PKHD1L1: variants seen among roughly 807,000 people sequenced by gnomAD.
PKHD1L1 encodes fibrocystin-L.
PKHD1L1 carries 434 observed loss-of-function variants against 462.9 expected under a neutral mutation model. The ratio of observed to expected loss-of-function variants is 0.94; its 90% CI spans 0.87 to 1.02. PKHD1L1 has a LOEUF of 1.02. Among genes scored for constraint, PKHD1L1 ranks in the 50% least tolerant of loss-of-function variants. PKHD1L1 has a pLI of 0.00. For missense variants in PKHD1L1, 5,202 were observed against 5,096.1 expected, an observed-to-expected ratio of 1.02 and a Z score of -0.63; for synonymous variants, 1,781 against 1,750.0, an observed-to-expected ratio of 1.02 and a Z score of -0.44.
chr8:109,409,993 A>G lies in PKHD1L1; in HGVS notation c.2085+15A>G. 1 of 1,367,794 alleles carries G rather than the reference A, an allele frequency of 7.3e-7. No homozygotes were observed. The highest frequency in any genetic ancestry group is 1.0e-6 in the Non-Finnish European group (1 of 986,768). The allele number at this position is 1,367,794 out of a possible 1,614,324, so 84.7% of individuals were successfully genotyped here. On this transcript the variant is annotated intron_variant, in intron 19 of 77. Transcript: ENST00000378402. Reference sequence around the variant, plus strand: ...ATTTTAATCTGGTATGAAATATTTAATGAACTGTGAAACTGACCTAATAAG... The same window carrying G: ...ATTTTAATCTGGTATGAAATATTTAGTGAACTGTGAAACTGACCTAATAAG...
At position 109,507,907 on chromosome 8, in the gene PKHD1L1, C is replaced by G; in HGVS notation, c.11227+12C>G. The G allele has an allele frequency of 6.2e-7, 1 of 1,612,050 alleles. No homozygotes were observed. Among genetic ancestry groups the G allele is most frequent in the Non-Finnish European group, 8.5e-7 (1 of 1,178,488 alleles). On this transcript the variant is annotated intron_variant, in intron 69 of 77. Transcript: ENST00000378402. ...AGCACCTCATAAAGGTTTGTTGGATCTTGCTTAATCTGTCATTAGGCCTTA... is the reference window on the plus strand; with the variant it reads ...AGCACCTCATAAAGGTTTGTTGGATGTTGCTTAATCTGTCATTAGGCCTTA...
intron 48 of PKHD1L1, among the ~76,000 whole-genome samples, 155 bp from the exon 49 acceptor site, chr8:109,464,061 G>T (rs149998406): frequency 1.0e-3 from 158 of 152,016 alleles, no homozygotes; most frequent in African/African-American, 3.7e-3. Flanking sequence ...ATGGTGGGTT[G>T]GGGGTTCAAT....
Position 109,429,333 on chromosome 8 carries a change from A to T in PKHD1L1, c.3001-7A>T. The T allele has an allele frequency of 6.7e-7, 1 of 1,492,516 alleles. No individual in the cohort carries two copies. The highest frequency in any genetic ancestry group is 1.2e-5 in the South Asian group (1 of 81,796). The allele number at this position is 1,492,516 out of a possible 1,614,324, so 92.5% of individuals were successfully genotyped here. On this transcript the variant is annotated splice_polypyrimidine_tract_variant and splice_region_variant and intron_variant, in intron 25 of 77. Coordinates refer to ENST00000378402, the MANE Select transcript of PKHD1L1 (RefSeq NM_177531.6). ...CTTTCTAGTAAAATAATTGTGTGTA[A>T]AAATAGATTAATGATTCCAACATTA...
chr8:109,509,021 T>C (rs1485890990), intron 70 of PKHD1L1, among the ~76,000 whole-genome samples: 2 of 152,164 alleles, frequency 1.3e-5, no homozygotes, highest in African/African-American at 2.4e-5. Flanking sequence ...GGATCTTTCA[T>C]GTGCTGAAAG....
At chr8:109,407,790 A>G (rs926828336) in intron 17 of PKHD1L1, among the ~76,000 whole-genome samples, 2 of 152,126 alleles carry the variant, frequency 1.3e-5, no homozygotes, top group Non-Finnish European at 2.9e-5. Flanking sequence ...ATCTTACAAT[A>G]CTTCCTTTTA....
chr8:109,409,885 A>T lies in PKHD1L1; in HGVS notation c.1992A>T (p.Glu664Asp), dbSNP rs765056045. ...TTTAGTTTCAGGGAGCAGTGGAAGA[A>T]ATGGTTAGCACTAAGTGTCCACCAC... is the stretch of plus-strand genomic sequence containing the variant. The part of the protein sequence containing the change: ...SEAEFQGAVE[E>D]MVSTKCPPQI... The change falls in exon 19 of 78, where the codon GAA becomes GAT. Residue 664 changes from glutamate to aspartate, a missense_variant. Physicochemically the swap from Glu to Asp is conservative, Grantham distance 45. This residue lies in a region of PKHD1L1 where 4,497 missense variants were observed against 4,336.8 expected (regional missense o/e 1.04). Transcript: ENST00000378402. The T allele has an allele frequency of 3.8e-5, 61 of 1,588,776 alleles. No homozygotes were observed. In the Middle Eastern group the frequency reaches 2.2e-3, roughly 56 times the overall value.
chr8:109,497,323 G>A, intron 65 of PKHD1L1, 51 bp downstream of exon 65: 3 of 1,573,384 alleles, frequency 1.9e-6, no homozygotes, highest in South Asian at 2.3e-5. Context: ...CTTGGAGAAG[G>A]GTGGAATTTC....
chr8:109,521,198 C>CCTGCTG (rs1820535438), intron 73 of PKHD1L1, among the ~76,000 whole-genome samples: 1 of 152,152 alleles, frequency 6.6e-6, no homozygotes, highest in Non-Finnish European at 1.5e-5. Context: ...TGGCCCAAGA[C>CCTGCTG]GTTACCTCCT....
intron 29 of PKHD1L1, 83 bp from the exon 30 acceptor site, chr8:109,436,241 TATTCTCAAAAGACA>T: frequency 1.6e-6 from 2 of 1,273,050 alleles, no homozygotes; most frequent in South Asian, 1.4e-5. Flanking sequence ...ATCATTAGAC[TATTCTCAAAAGACA>T]ATTCTCAAAA....
chr8:109,429,906 G>A, intron 26 of PKHD1L1, 26 bp from the exon 27 acceptor site: 1 of 1,500,642 alleles, frequency 6.7e-7, no homozygotes, highest in Non-Finnish European at 9.3e-7. Flanking sequence ...CCCATGTTCT[G>A]TAGCTTCTTG....
chr8:109,383,353 TATA>T (rs1563724158), intron 4 of PKHD1L1, among the ~76,000 whole-genome samples: 1 of 112,614 alleles, frequency 8.9e-6, no homozygotes, highest in Non-Finnish European at 1.7e-5. Flanking sequence ...TATTTTATAT[TATA>T]TATTATAATA....
Position 109,456,316 on chromosome 8 carries a change from A to T in PKHD1L1, c.6929A>T (p.Glu2310Val). 6.2e-7 allele frequency: 1 copy of T among 1,612,374 alleles called. No homozygotes were observed. Among genetic ancestry groups the T allele is most frequent in the Non-Finnish European group, 8.5e-7 (1 of 1,179,134 alleles). Residue 2310 changes from glutamate to valine, a missense_variant, in exon 46 of 78, where the codon GAA becomes GTA. By Grantham distance (121) the Glu-to-Val change is moderately radical (BLOSUM62 -2). Coordinates refer to ENST00000378402, the MANE Select transcript of PKHD1L1 (RefSeq NM_177531.6). The part of the protein sequence containing the change: ...TRLAHTAKAG[E>V]RILILQEAVT... ...TTGGCTCATACTGCAAAGGCAGGGG[A>T]AAGAATTTTAATTTTACAAGAAGCA...
chr8:109,512,372 A>G (rs1163413985), intron 71 of PKHD1L1, among the ~76,000 whole-genome samples: 2 of 151,350 alleles, frequency 1.3e-5, no homozygotes, highest in African/African-American at 4.8e-5. Flanking sequence ...TAATTTTTGT[A>G]TAAGGTGTAA....
Position 109,362,616 on chromosome 8 carries a change from C to T in PKHD1L1, c.36C>T (p.Leu12=). Residue 12 remains leucine (L), a synonymous_variant, in exon 1 of 78, where the codon CTC becomes CTT. Transcript: ENST00000378402. Reference sequence around the variant, plus strand: ...TGTGGCTCCTGGGTATTTGGGGCCTCTGTGGGCTGCTCCTGTGTGCCGCGG... The same window carrying T: ...TGTGGCTCCTGGGTATTTGGGGCCTTTGTGGGCTGCTCCTGTGTGCCGCGG... ...GHLWLLGIWG[L]CGLLLCAADP... The T allele has an allele frequency of 6.2e-7, 1 of 1,609,486 alleles. No homozygotes were observed. The highest frequency in any genetic ancestry group is 8.5e-7 in the Non-Finnish European group (1 of 1,178,014).
At chr8:109,438,623 A>T (rs562507564) in intron 31 of PKHD1L1, among the ~76,000 whole-genome samples, 167 bp downstream of exon 31, 1 of 152,006 alleles carries the variant, frequency 6.6e-6, no homozygotes, top group South Asian at 2.1e-4. Flanking sequence ...TTATTATTTT[A>T]TATTGAACAT....
intron 50 of PKHD1L1, chr8:109,470,850 T>G: frequency 6.6e-7 from 1 of 1,511,516 alleles, no homozygotes; most frequent in Non-Finnish European, 9.1e-7. Context: ...GGATAAGTTC[T>G]TTAGCAGGAA....
chr8:109,444,390 C>A lies in PKHD1L1; in HGVS notation c.4792-271C>A, dbSNP rs183463302. ...TAATATTCTGTTGCATGTTAAGCAA[C>A]CTTTTATTTATCCATTCATCAGTTG... On this transcript the variant is annotated intron_variant, in intron 37 of 77. Coordinates refer to ENST00000378402, the MANE Select transcript of PKHD1L1 (RefSeq NM_177531.6). 1.4e-4 allele frequency among the ~76,000 whole-genome samples: 22 copies of A among 152,248 alleles called. No individual in the cohort carries two copies. In the East Asian group the frequency reaches 4.2e-3, roughly 29 times the overall value.
rs1202597074 is a variant in PKHD1L1, at chr8:109,413,765, C to T, written c.2360+220C>T. On this transcript the variant is annotated intron_variant, in intron 21 of 77. Transcript: ENST00000378402. ...AGAAATCTCTAGATTATGAAAATGA[C>T]AATTGGTCATGACATAGTCACCCAT... Among the ~76,000 whole-genome samples the T allele has an allele frequency of 4.6e-5, 7 of 151,882 alleles. No individual in the cohort carries two copies. The East Asian group carries it at 1.3e-3, about 29-fold the overall frequency.
chr8:109,478,570 C>T (rs763056542), intron 53 of PKHD1L1, among the ~76,000 whole-genome samples: 10 of 151,928 alleles, frequency 6.6e-5, no homozygotes, highest in Non-Finnish European at 1.3e-4. Flanking sequence ...GAGCTCGCTG[C>T]GTGAAGGGTG....
Sources: gnomAD v4.1 joint callset for allele counts (sites outside exome capture counted in the v4.1 genomes callset) on GRCh38, gnomAD v4.1.1 for gene constraint, gnomAD v4.1.1 regional missense constraint, MANE v1.5 for transcripts, NCBI Gene and HGNC (gene_info 2026-07-23, HGNC 2026-07-21) for gene names.